Variants in BBX observed in about 807,000 individuals in gnomAD.
BBX encodes BBX high mobility group box domain containing.
A neutral mutation model predicts 100.2 loss-of-function variants in BBX; 30 were observed. The observed-to-expected ratio is 0.30, with a 90% CI of 0.22 to 0.41. The LOEUF (loss-of-function observed/expected upper bound fraction) is 0.41, where lower values mean the gene tolerates loss of function less well. BBX is among the 10% of genes least tolerant of loss of function. The pLI, the probability that BBX is intolerant of heterozygous loss-of-function variation, is 1.00. For synonymous variants in BBX, 376 were observed against 388.1 expected, an observed-to-expected ratio of 0.97 and a Z score of 0.37; for missense variants, 1,023 against 1,129.8, an observed-to-expected ratio of 0.91 and a Z score of 1.35.
chr3:107,783,487 T>G (rs1194341165), intron 13 of BBX, among the ~76,000 whole-genome samples: 1 of 152,108 alleles, frequency 6.6e-6, no homozygotes, highest in East Asian at 1.9e-4. Context: ...TCTTTTCTTC[T>G]TTCCTAACAC....
chr3:107,665,119 T>G (rs2058671745), intron 3 of BBX, among the ~76,000 whole-genome samples: 1 of 152,202 alleles, frequency 6.6e-6, no homozygotes, highest in South Asian at 2.1e-4. Context: ...TTCTGCAGTT[T>G]CCCAGGAAAT....
chr3:107,732,671 AT>A (rs1213524944), intron 6 of BBX, among the ~76,000 whole-genome samples: 3 of 152,238 alleles, frequency 2.0e-5, no homozygotes, highest in Non-Finnish European at 2.9e-5. Flanking sequence ...GGAAAGAAAC[AT>A]TGCATTAGGA....
chr3:107,678,779 T>A (rs1344709720), intron 3 of BBX, among the ~76,000 whole-genome samples: 1 of 152,140 alleles, frequency 6.6e-6, no homozygotes, highest in East Asian at 1.9e-4. Flanking sequence ...GACTTGAATG[T>A]TTATAGTCCA....
intron 2 of BBX, 89 bp downstream of exon 2, chr3:107,526,487 A>G: frequency 2.5e-6 from 1 of 396,420 alleles, no homozygotes; most frequent in Non-Finnish European, 4.4e-6. Context: ...AAGATGCTTT[A>G]TTGGGGTTAC....
At position 107,725,115 on chromosome 3, in the gene BBX, G is replaced by T. The variant is rs554463328; in HGVS notation, c.406-3650G>T. On this transcript the variant is annotated intron_variant, in intron 5 of 17. Coordinates refer to ENST00000325805, the MANE Select transcript of BBX (RefSeq NM_001142568.3). ...GTGATTTGTAGTTCTCCTTGAAGAG[G>T]TCCTTCACATCCCTTGTAAGTTGGA... 2.0e-5 allele frequency among the ~76,000 whole-genome samples: 3 copies of T among 152,180 alleles called. No homozygotes were observed. The South Asian group carries it at 6.2e-4, about 32-fold the overall frequency.
At chr3:107,622,262 A>G (rs1348103245) in intron 2 of BBX, among the ~76,000 whole-genome samples, 1 of 152,296 alleles carries the variant, frequency 6.6e-6, no homozygotes, top group Middle Eastern at 3.4e-3. Context: ...TTGTTGCTTT[A>G]TATCAACAGT....
Position 107,774,773 on chromosome 3 carries a change from A to G in BBX, c.1970A>G (p.Glu657Gly), listed in dbSNP as rs373797584. 6 of 1,613,514 alleles carry G rather than the reference A, an allele frequency of 3.7e-6. No individual in the cohort carries two copies. In the African/African-American group the frequency reaches 8.0e-5, roughly 22 times the overall value. Residue 657 changes from glutamate to glycine, a missense_variant, in exon 12 of 18, where the codon GAA becomes GGA. Transcript: ENST00000325805. ...NSSDHEGCWN[E>G]ESWTFSQSGT... The stretch of plus-strand genomic sequence containing the variant: ...TCTGATCATGAAGGGTGTTGGAATG[A>G]AGAAAGCTGGACATTTAGTCAGAGT...
At chr3:107,674,280 G>C (rs893812755) in intron 3 of BBX, among the ~76,000 whole-genome samples, 1 of 152,026 alleles carries the variant, frequency 6.6e-6, no homozygotes, top group African/African-American at 2.4e-5. Flanking sequence ...TAACGCCTTC[G>C]AGCCAGAAAG....
intron 2 of BBX, among the ~76,000 whole-genome samples, chr3:107,562,125 T>C (rs952811429): frequency 2.6e-5 from 4 of 151,936 alleles, no homozygotes; most frequent in African/African-American, 9.6e-5. Context: ...GATTCATTCT[T>C]GCACAAACAT....
intron 2 of BBX, among the ~76,000 whole-genome samples, chr3:107,539,044 C>A (rs1164058838): frequency 2.0e-5 from 3 of 152,110 alleles, no homozygotes; most frequent in Non-Finnish European, 4.4e-5. Flanking sequence ...CCTTCCTCGG[C>A]CTCTCAAAGT....
intron 2 of BBX, among the ~76,000 whole-genome samples, chr3:107,538,315 A>G (rs677861): frequency 0.11 from 16,326 of 152,242 alleles, 983 homozygotes; most frequent in Non-Finnish European, 0.12. Context: ...TGAGCACAGA[A>G]TTATACGTTT....
At chr3:107,555,319 C>G (rs538836374) in intron 2 of BBX, among the ~76,000 whole-genome samples, 1 of 152,148 alleles carries the variant, frequency 6.6e-6, no homozygotes, top group Admixed American at 6.5e-5. Flanking sequence ...TTAAGATTTT[C>G]TATATACCTA....
Position 107,663,664 on chromosome 3 carries a change from C to T in BBX, c.-10+17755C>T, listed in dbSNP as rs111999490. 7.6e-3 allele frequency among the ~76,000 whole-genome samples: 1,150 copies of T among 152,152 alleles called. 4 individuals carry two copies. The highest frequency in any genetic ancestry group is 0.014 in the Middle Eastern group (4 of 294). ...TTCTGCAACAACTATTTTTCCTGCT[C>T]AACATCGTATTTGACTCATTCCTGC... On this transcript the variant is annotated intron_variant, in intron 3 of 17. Transcript: ENST00000325805.
chr3:107,791,247 G>A lies in BBX; in HGVS notation c.2301G>A (p.Gly767=). The A allele has an allele frequency of 6.2e-7, 1 of 1,612,408 alleles. No individual in the cohort carries two copies. Among genetic ancestry groups the A allele is most frequent in the Non-Finnish European group, 8.5e-7 (1 of 1,178,926 alleles). ...TTCTGTCATTGTTTTTAGGAAGTGG[G>A]GATAAATGGTCAAACAAGCAACTCT... ...EKPNVPEKGS[G]DKWSNKQLFL... is the part of the protein sequence containing the mutation. Residue 767 remains glycine, a synonymous_variant, in exon 15 of 18, where the codon GGG becomes GGA. Coordinates refer to ENST00000325805, the MANE Select transcript of BBX (RefSeq NM_001142568.3).
rs150596010 is a variant in BBX at position 107,743,609 on chromosome 3, G to A, written c.670-1021G>A. Among the ~76,000 whole-genome samples, 332 of 152,298 alleles carry A rather than the reference G, an allele frequency of 2.2e-3. 1 individual carries two copies. Among genetic ancestry groups the A allele is most frequent in the African/African-American group, 5.7e-3 (237 of 41,570 alleles). The stretch of plus-strand genomic sequence containing the variant: ...GCCTGTGACATTGTTAGAGAAACAC[G>A]TCCTCAATGTCTTAAGAGGGTCAGT... On this transcript the variant is annotated intron_variant, in intron 7 of 17. Coordinates refer to ENST00000325805, the MANE Select transcript of BBX (RefSeq NM_001142568.3).
chr3:107,566,291 C>T (rs979804619), intron 2 of BBX, among the ~76,000 whole-genome samples: 10 of 150,978 alleles, frequency 6.6e-5, no homozygotes, highest in Non-Finnish European at 1.0e-4. Context: ...TGTTAAACAT[C>T]CTTACATTTC....
chr3:107,578,249 A>T (rs2051955869), intron 2 of BBX, among the ~76,000 whole-genome samples: 1 of 152,188 alleles, frequency 6.6e-6, no homozygotes. Context: ...GCACTGTAAG[A>T]GGGAGACATG....
chr3:107,537,058 TA>T, intron 2 of BBX, among the ~76,000 whole-genome samples: 1 of 152,234 alleles, frequency 6.6e-6, no homozygotes, highest in East Asian at 1.9e-4. Context: ...AGCGAATTTT[TA>T]AAAATCAGAC....
intron 9 of BBX, among the ~76,000 whole-genome samples, chr3:107,752,501 A>G (rs909442630): frequency 2.0e-5 from 3 of 152,172 alleles, no homozygotes; most frequent in Admixed American, 2.0e-4. Flanking sequence ...AATATTTACA[A>G]TACCGTCATA....
Sources: allele counts gnomAD v4.1 joint callset (sites outside exome capture counted in the v4.1 genomes callset), GRCh38; gene constraint gnomAD v4.1.1; transcripts MANE v1.5; gene names NCBI Gene and HGNC (gene_info 2026-07-23, HGNC 2026-07-21).